UBTF: variants seen among roughly 807,000 people sequenced by gnomAD.
The protein encoded by UBTF is upstream binding transcription factor, also known as nucleolar transcription factor 1.
In UBTF, 8 loss-of-function variants were observed where a neutral mutation model predicts 112.3. The ratio of observed to expected loss-of-function variants is 0.07; its 90% CI spans 0.04 to 0.13. The LOEUF (loss-of-function observed/expected upper bound fraction) is 0.13. UBTF is among the 10% of genes least tolerant of loss of function. The probability of loss-of-function intolerance (pLI) is 1.00; values close to 1 mark genes in which losing one functional copy is unlikely to be tolerated. For synonymous variants in UBTF, 417 were observed against 373.1 expected, an observed-to-expected ratio of 1.12 and a Z score of -1.36; for missense variants, 457 against 982.1, an observed-to-expected ratio of 0.47 and a Z score of 7.15.
chr17:44,211,461 G>T lies in UBTF; in HGVS notation c.1048-130C>A, dbSNP rs1384238061. 6.4e-7 allele frequency: 1 copy of T among 1,559,252 alleles called. No homozygotes were observed. Among genetic ancestry groups the T allele is most frequent in the Non-Finnish European group, 8.8e-7 (1 of 1,140,836 alleles). The stretch of plus-strand genomic sequence containing the variant: ...TGGGCTGGACTCCCTGCCTGGACGG[G>T]CTCAGTTGCTAAGCCCAGCCCAGCC... On this transcript the variant is annotated intron_variant, in intron 10 of 20. Coordinates refer to ENST00000436088, the MANE Select transcript of UBTF (RefSeq NM_014233.4). The surrounding 1 kb of genome is among the most constrained non-coding windows in gnomAD (Gnocchi z 4.9).
chr17:44,205,267 T>C lies in UBTF; in HGVS notation c.*1975A>G, dbSNP rs1273166526. 6.6e-6 allele frequency: 1 copy of C among 152,642 alleles called. No homozygotes were observed. The highest frequency in any genetic ancestry group is 1.5e-5 in the Non-Finnish European group (1 of 68,026). The allele number at this position is 152,642 out of a possible 1,614,324, so 9.5% of individuals were successfully genotyped here. ...ATCCCATCCCAGTGCCAAAATGCACTCAAGAGTGACCTCTTACAGCACCAA... is the reference window on the plus strand; with the variant it reads ...ATCCCATCCCAGTGCCAAAATGCACCCAAGAGTGACCTCTTACAGCACCAA... On this transcript the variant is annotated 3_prime_UTR_variant, in exon 21 of 21. Transcript: ENST00000436088.
At position 44,212,288 on chromosome 17, in the gene UBTF, C is replaced by T. The variant is rs527684604; in HGVS notation, c.771+56G>A. ...CCGCAGAGTGCGGTGGCCACGGAGT[C>T]GGAGGGCAGAGGCTCGTGAAGAGCC... On this transcript the variant is annotated intron_variant, in intron 8 of 20. Coordinates refer to ENST00000436088, the MANE Select transcript of UBTF (RefSeq NM_014233.4). 86 of 1,479,742 alleles carry T rather than the reference C, an allele frequency of 5.8e-5. No homozygotes were observed. The African/African-American group carries it at 1.0e-3, about 17-fold the overall frequency. The allele number at this position is 1,479,742 out of a possible 1,614,324, so 91.7% of individuals were successfully genotyped here.
intron 17 of UBTF, chr17:44,208,765 G>A (rs1260296426): frequency 4.3e-6 from 1 of 234,158 alleles, no homozygotes; most frequent in South Asian, 3.6e-5. Flanking sequence ...AAGGCCAGGA[G>A]TCTAGGAGAG....
In UBTF at chr17:44,207,585, C is replaced by G; in HGVS notation, c.2038G>C (p.Asp680His). The G allele has an allele frequency of 6.2e-7, 1 of 1,614,190 alleles. No homozygotes were observed. The highest frequency in any genetic ancestry group is 8.5e-7 in the Non-Finnish European group (1 of 1,180,022). The part of the protein sequence containing the change: ...TLQSKSESEE[D>H]DEEDEDDEDE... ...TCGTCATCCTCATCCTCTTCATCAT[C>G]CTCCTCGGACTCCTTGGAGGGATGG... is the stretch of plus-strand genomic sequence containing the variant. The change falls in exon 20 of 21, where the codon GAT (aspartate) becomes CAT (histidine). Residue 680 changes from aspartate to histidine, a missense_variant. Transcript: ENST00000436088.
At chr17:44,208,027 C>G in intron 17 of UBTF, 116 bp from the exon 18 acceptor site, 1 of 1,313,332 alleles carries the variant, frequency 7.6e-7, no homozygotes, top group East Asian at 2.4e-5. Flanking sequence ...CCATCTTACC[C>G]CTCCCAGGCT....
At chr17:44,220,067 T>TGCTGCC (rs1329873714), upstream of UBTF, among the ~76,000 whole-genome samples, 9 of 98,748 alleles carry the variant, frequency 9.1e-5, no homozygotes, top group South Asian at 1.0e-3. Context: ...CTGCTGCTGC[T>TGCTGCC]GCTGCCGCCG....
At chr17:44,220,598 C>T (rs2047140774), upstream of UBTF, 1 of 152,162 alleles carries the variant, frequency 6.6e-6, no homozygotes, top group Non-Finnish European at 1.5e-5. Context: ...ACGACGGGCT[C>T]CGGCGGAGGG....
Position 44,211,552 on chromosome 17 carries a change from A to C in UBTF, c.1047+54T>G. ...CAGGGACTGACTGGCCCAAGATGGG[A>C]TCAGACCTCATGCTTCAAAACCCCA... is the stretch of plus-strand genomic sequence containing the variant. On this transcript the variant is annotated intron_variant, in intron 10 of 20. Transcript: ENST00000436088. This position sits in a 1 kb window ranked among gnomAD's most constrained non-coding sequence, Gnocchi z 4.9. 1 of 1,586,584 alleles carries C rather than the reference A, an allele frequency of 6.3e-7. No homozygotes were observed.
rs2056602714 is a variant in UBTF, at chr17:44,210,613, T to C, written c.1360-140A>G. On this transcript the variant is annotated intron_variant, in intron 13 of 20. Transcript: ENST00000436088. ...CTCCCGCCTGGGGCTCGCCCCCGCC[T>C]GGTCTGCGGCGCTCAGCTGACAGCT... 61 of 1,384,172 alleles carry C rather than the reference T, an allele frequency of 4.4e-5. 1 individual carries two copies. In the South Asian group the frequency reaches 8.1e-4, roughly 18 times the overall value. 85.7% of individuals were successfully genotyped at this position (1,384,172 alleles called of 1,614,324 possible).
intron 1 of UBTF, chr17:44,218,594 CA>C (rs71160095): frequency 0.028 from 2,366 of 83,886 alleles, 2 homozygotes; most frequent in Middle Eastern, 0.066. Flanking sequence ...CAACCCCAGC[CA>C]AAAAAAAAAA....
At chr17:44,216,489 G>A (rs765679124) in intron 3 of UBTF, 40 bp downstream of exon 3, 2 of 1,605,294 alleles carry the variant, frequency 1.2e-6, no homozygotes, top group African/African-American at 1.3e-5. Context: ...CACGCTGAGT[G>A]GGGGGTATGT....
chr17:44,208,003 T>C, intron 17 of UBTF, 92 bp from the exon 18 acceptor site: 3 of 1,528,994 alleles, frequency 2.0e-6, no homozygotes, highest in South Asian at 1.2e-5. Context: ...GCTGAGCATT[T>C]ATATATCATC....
At position 44,207,763 on chromosome 17, in the gene UBTF, T is replaced by C; in HGVS notation, c.1961A>G (p.Lys654Arg). Residue 654 changes from lysine (K) to arginine (R), a missense_variant, in exon 19 of 21, where the codon AAG becomes AGG. Transcript: ENST00000436088. ...TGGGCCTCGCAGCTTGGTCATGCTC[T>C]TACGTTTCTGCAGGATGGGGACACA... ...AYKEYISNKR[K>R]SMTKLRGPNP... 6.2e-7 allele frequency: 1 copy of C among 1,614,182 alleles called. No homozygotes were observed. The highest frequency in any genetic ancestry group is 8.5e-7 in the Non-Finnish European group (1 of 1,180,034).
intron 13 of UBTF, 149 bp from the exon 14 acceptor site, chr17:44,210,622 G>A (rs991270382): frequency 1.4e-5 from 19 of 1,384,760 alleles, no homozygotes; most frequent in Non-Finnish European, 1.7e-5. Context: ...CTGGTCTGCG[G>A]CGCTCAGCTG....
intron 1 of UBTF, chr17:44,218,535 TGCTCCTAGCTCCCGCGTGCAGC>T: frequency 3.7e-6 from 1 of 270,750 alleles, no homozygotes; most frequent in Non-Finnish European, 6.3e-6. Flanking sequence ...CGCGAGGGCC[TGCTCCTAGCTCCCGCGTGCAGC>T]GAGCGCCCGC....
rs1342529381 is a variant in UBTF at position 44,207,651 on chromosome 17, G to A, written c.2025+48C>T. ...CTCTGGTCTCTGCCCAACCATTCCA[G>A]GCAGTGCCCCCCGCCCCACGCCCCT... On this transcript the variant is annotated intron_variant, in intron 19 of 20. Coordinates refer to ENST00000436088, the MANE Select transcript of UBTF (RefSeq NM_014233.4). 2.5e-6 allele frequency: 4 copies of A among 1,614,166 alleles called. No individual in the cohort carries two copies. The South Asian group carries it at 3.3e-5, about 13-fold the overall frequency.
chr17:44,219,301 T>G (rs1236052253), intron 1 of UBTF, 144 bp downstream of exon 1: 1 of 149,758 alleles, frequency 6.7e-6, no homozygotes, highest in Non-Finnish European at 1.5e-5. Context: ...GCTCTCGGCG[T>G]CCTCCCAAGT....
intron 13 of UBTF, 93 bp from the exon 14 acceptor site, chr17:44,210,566 A>G: frequency 6.9e-7 from 1 of 1,447,228 alleles, no homozygotes; most frequent in Non-Finnish European, 9.0e-7. Flanking sequence ...CGGCGGGCAG[A>G]AGCATGGGCT....
chr17:44,220,298 C>T (rs1274046159), upstream of UBTF, among the ~76,000 whole-genome samples: 6 of 151,876 alleles, frequency 4.0e-5, no homozygotes, highest in South Asian at 1.2e-3. Context: ...GCCCACAGCC[C>T]TGCTCCGGAG....
Sources: gnomAD v4.1 joint callset for allele counts (sites outside exome capture counted in the v4.1 genomes callset) on GRCh38, gnomAD v4.1.1 for gene constraint, Gnocchi (gnomAD v3.1) non-coding constraint, MANE v1.5 for transcripts, NCBI Gene and HGNC (gene_info 2026-07-23, HGNC 2026-07-21) for gene names.